TRPM6: variants seen among roughly 807,000 people sequenced by gnomAD.
The protein encoded by TRPM6 is transient receptor potential cation channel subfamily M member 6.
In TRPM6, 111 loss-of-function variants were observed where a neutral mutation model predicts 247.6. The ratio of observed to expected loss-of-function variants is 0.45; its 90% CI spans 0.38 to 0.52. TRPM6 has a LOEUF of 0.52. TRPM6 is among the 20% of genes least tolerant of loss of function. TRPM6 has a pLI of 0.00. For missense variants in TRPM6, 2,126 were observed against 2,421.5 expected, an observed-to-expected ratio of 0.88 and a Z score of 2.56; for synonymous variants, 892 against 853.8, an observed-to-expected ratio of 1.04 and a Z score of -0.78.
intron 1 of TRPM6, among the ~76,000 whole-genome samples, chr9:74,886,761 T>C (rs1338245673): frequency 6.6e-6 from 1 of 152,184 alleles, no homozygotes; most frequent in African/African-American, 2.4e-5. Flanking sequence ...TTTCAATTCA[T>C]CTTGAAACTA....
intron 5 of TRPM6, among the ~76,000 whole-genome samples, chr9:74,837,452 T>TC (rs1394249434): frequency 6.6e-6 from 1 of 151,934 alleles, no homozygotes; most frequent in East Asian, 1.9e-4. Context: ...GTTGTTGTTT[T>TC]CTTTTTTTTT....
Position 74,827,852 on chromosome 9 carries a change from A to G in TRPM6, c.767T>C (p.Val256Ala), listed in dbSNP as rs751715330. 5 of 1,613,920 alleles carry G rather than the reference A, an allele frequency of 3.1e-6. No individual in the cohort carries two copies. The highest frequency in any genetic ancestry group is 1.1e-5 in the South Asian group (1 of 91,070). ...CTTCATTTCATTTCCATACTTGCCCACGGTCCCATCATCAGACAGGATGAA... is the reference window on the plus strand; with the variant it reads ...CTTCATTTCATTTCCATACTTGCCCGCGGTCCCATCATCAGACAGGATGAA... ...SHFILSDDGT[V>A]GKYGNEMKLR... Residue 256 changes from valine (V) to alanine (A), a missense_variant, in exon 7 of 39, where the codon GTG (valine) becomes GCG (alanine). Val to Ala is a moderately conservative substitution (Grantham distance 64). This residue lies in a region of TRPM6 where 1,082 missense variants were observed against 1,307.9 expected (regional missense o/e 0.83). Coordinates refer to ENST00000360774, the MANE Select transcript of TRPM6 (RefSeq NM_017662.5).
rs1355866241 is a variant in TRPM6, at chr9:74,724,163, A to G, written c.*450T>C. On this transcript the variant is annotated 3_prime_UTR_variant, in exon 39 of 39. Transcript: ENST00000360774. ...AAAAGACAGAGGAGGAAATCACATA[A>G]CTTTTTATGAACATATATATAGACA... 1 of 194,078 alleles carries G rather than the reference A, an allele frequency of 5.2e-6. No homozygotes were observed. The highest frequency in any genetic ancestry group is 1.1e-5 in the Non-Finnish European group (1 of 93,048). The allele number at this position is 194,078 out of a possible 1,614,324, so 12.0% of individuals were successfully genotyped here.
At chr9:74,804,173 A>C (rs1312893902) in intron 14 of TRPM6, among the ~76,000 whole-genome samples, 1 of 152,158 alleles carries the variant, frequency 6.6e-6, no homozygotes, top group East Asian at 1.9e-4. Flanking sequence ...TACCTTCACT[A>C]CGTGGAAATT....
intron 1 of TRPM6, among the ~76,000 whole-genome samples, chr9:74,869,853 G>T (rs1267364362): frequency 1.3e-5 from 2 of 152,088 alleles, no homozygotes; most frequent in Non-Finnish European, 2.9e-5. Flanking sequence ...GAAGAGGAAG[G>T]CTCTGCCTTG....
At chr9:74,788,785 G>C in intron 19 of TRPM6, 43 bp from the exon 20 acceptor site, 1 of 1,608,938 alleles carries the variant, frequency 6.2e-7, no homozygotes. Flanking sequence ...GTGAGAGCAA[G>C]CATGGAGCAT....
In TRPM6 at chr9:74,802,025, A is replaced by G; in HGVS notation, c.1882T>C (p.Trp628Arg). 1.2e-6 allele frequency: 2 copies of G among 1,614,216 alleles called. No homozygotes were observed. Among genetic ancestry groups the G allele is most frequent in the Non-Finnish European group, 1.7e-6 (2 of 1,180,034 alleles). Residue 628 changes from tryptophan (W) to arginine (R), a missense_variant, in exon 16 of 39, where the codon TGG becomes CGG. Physicochemically the swap from Trp to Arg is moderately radical, Grantham distance 101. This residue lies in a region of TRPM6 where 1,082 missense variants were observed against 1,307.9 expected (regional missense o/e 0.83). Coordinates refer to ENST00000360774, the MANE Select transcript of TRPM6 (RefSeq NM_017662.5). ...ACCGTGGCCTCCTCTCCATGCTGCC[A>G]GAAGAACATAGCCATCTTCTGCCTT... is the stretch of plus-strand genomic sequence containing the variant. Reference protein sequence around the residue: ...MKRQKMAMFFWQHGEEATVKA... With the variant: ...MKRQKMAMFFRQHGEEATVKA...
At position 74,788,596 on chromosome 9, in the gene TRPM6, G is replaced by A. The variant is rs770946474; in HGVS notation, c.2667+18C>T. ...CTGAGGACATATGCAGAAGATAAAG[G>A]TAGATGGCATAACTCACCTCCCTGA... On this transcript the variant is annotated intron_variant, in intron 20 of 38. Coordinates refer to ENST00000360774, the MANE Select transcript of TRPM6 (RefSeq NM_017662.5). 6.2e-7 allele frequency: 1 copy of A among 1,613,722 alleles called. No individual in the cohort carries two copies.
chr9:74,827,896 G>C lies in TRPM6; in HGVS notation c.723C>G (p.Leu241=), dbSNP rs1587550450. Residue 241 remains leucine, a synonymous_variant, in exon 7 of 39, where the codon CTC becomes CTG. Transcript: ENST00000360774. ...GGATGAAGTGCGAGTGCATGCTGTT[G>C]AGTGTTGTGAGCTTGCTGAGGGGGT... ...LDNPLSKLTT[L]NSMHSHFILS... 4.3e-6 allele frequency: 7 copies of C among 1,614,116 alleles called. No homozygotes were observed. Among genetic ancestry groups the C allele is most frequent in the Non-Finnish European group, 5.1e-6 (6 of 1,180,026 alleles).
In TRPM6 at chr9:74,796,741, C is replaced by A; in HGVS notation, c.2391G>T (p.Val797=). Residue 797 remains valine, a splice_region_variant and synonymous_variant, in exon 18 of 39, where the codon GTG becomes GTT. Coordinates refer to ENST00000360774, the MANE Select transcript of TRPM6 (RefSeq NM_017662.5). ...NASSSKESAS[V]KEYDLERGHD... is the part of the protein sequence containing the mutation. Reference sequence around the variant, plus strand: ...CAGTTCATTATGATTTTGCACTAACCACAGAAGCACTTTCTTTGGAACTGC... The same window carrying A: ...CAGTTCATTATGATTTTGCACTAACAACAGAAGCACTTTCTTTGGAACTGC... The A allele has an allele frequency of 6.2e-7, 1 of 1,613,900 alleles. No individual in the cohort carries two copies. The highest frequency in any genetic ancestry group is 8.5e-7 in the Non-Finnish European group (1 of 1,179,888).
At chr9:74,756,967 TG>T (rs2118819111) in intron 27 of TRPM6, among the ~76,000 whole-genome samples, 1 of 150,888 alleles carries the variant, frequency 6.6e-6, no homozygotes, top group South Asian at 2.1e-4. Flanking sequence ...GGAGGTGAGG[TG>T]GGCAGATCAC....
intron 21 of TRPM6, among the ~76,000 whole-genome samples, chr9:74,784,832 C>T (rs769834758): frequency 2.4e-4 from 36 of 152,264 alleles, no homozygotes; most frequent in Non-Finnish European, 4.3e-4. Context: ...TCCAAGATAG[C>T]GAGGCACAAT....
chr9:74,798,163 C>T (rs1294734214), intron 17 of TRPM6, among the ~76,000 whole-genome samples: 4 of 152,032 alleles, frequency 2.6e-5, no homozygotes, highest in African/African-American at 4.8e-5. Context: ...TAAAAGTAGG[C>T]CTTAGTATTC....
intron 1 of TRPM6, among the ~76,000 whole-genome samples, chr9:74,876,307 C>T (rs758847644): frequency 2.8e-4 from 42 of 152,210 alleles, no homozygotes; most frequent in Non-Finnish European, 4.6e-4. Flanking sequence ...TGGTCTCAAA[C>T]TCCTGACCTC....
At chr9:74,840,375 T>C in intron 4 of TRPM6, 138 bp from the exon 5 acceptor site, 1 of 670,290 alleles carries the variant, frequency 1.5e-6, no homozygotes, top group Non-Finnish European at 2.7e-6. Flanking sequence ...AAAGTTCATC[T>C]TCATGTAATG....
chr9:74,809,976 CAAAAAAAAAAAA>C (rs57812269), intron 13 of TRPM6, among the ~76,000 whole-genome samples: 15 of 33,568 alleles, frequency 4.5e-4, no homozygotes, highest in Non-Finnish European at 5.8e-4. Flanking sequence ...AACTCCATCT[CAAAAAAAAAAAA>C]AAAAAAAAAA....
intron 5 of TRPM6, among the ~76,000 whole-genome samples, chr9:74,835,737 G>A (rs796557311): frequency 3.1e-4 from 47 of 152,212 alleles, no homozygotes; most frequent in African/African-American, 1.1e-3. Flanking sequence ...TTTAGAGCTT[G>A]GATTTTGTAG....
rs141597109 is a variant in TRPM6, at chr9:74,816,753, C to G, written c.1224G>C (p.Ala408=). ...TALLKGTNLS[A]SEQLNLAMAW... ...CCATTGCCAGATTTAATTGCTCTGACGCTGATAAATTTGTGCCTAGGGTAA... is the reference window on the plus strand; with the variant it reads ...CCATTGCCAGATTTAATTGCTCTGAGGCTGATAAATTTGTGCCTAGGGTAA... The change falls in exon 11 of 39, where the codon GCG becomes GCC. Residue 408 remains alanine (A), a synonymous_variant. Coordinates refer to ENST00000360774, the MANE Select transcript of TRPM6 (RefSeq NM_017662.5). 24 of 1,614,118 alleles carry G rather than the reference C, an allele frequency of 1.5e-5. No individual in the cohort carries two copies. In the African/African-American group the frequency reaches 2.8e-4, roughly 19 times the overall value.
chr9:74,816,185 T>A (rs1828916870), intron 11 of TRPM6, among the ~76,000 whole-genome samples: 1 of 152,002 alleles, frequency 6.6e-6, no homozygotes, highest in Admixed American at 6.6e-5. Flanking sequence ...AGTCGTTGTC[T>A]CAAATAATAA....
Sources: allele counts gnomAD v4.1 joint callset (sites outside exome capture counted in the v4.1 genomes callset), GRCh38; gene constraint gnomAD v4.1.1; regional missense constraint gnomAD v4.1.1; transcripts MANE v1.5; gene names NCBI Gene and HGNC (gene_info 2026-07-23, HGNC 2026-07-21).